Variants in CHORDC1 observed in about 807,000 individuals in gnomAD.
The protein encoded by CHORDC1 is cysteine and histidine-rich domain-containing protein 1.
Under a neutral mutation model 48.3 loss-of-function variants are expected in CHORDC1, and 25 were observed. That is an observed-to-expected ratio of 0.52 (90% CI 0.38 to 0.72). The LOEUF is 0.72. Among genes scored for constraint, CHORDC1 ranks in the 30% least tolerant of loss-of-function variants. The pLI, the probability that CHORDC1 is intolerant of heterozygous loss-of-function variation, is 0.00. For missense variants in CHORDC1, 317 were observed against 388.7 expected, an observed-to-expected ratio of 0.82 and a Z score of 1.55; for synonymous variants, 128 against 126.4, an observed-to-expected ratio of 1.01 and a Z score of -0.09.
Position 90,205,463 on chromosome 11 carries a change from A to G in CHORDC1, c.666T>C (p.Asp222=), listed in dbSNP as rs752738915. 3 of 1,571,686 alleles carry G rather than the reference A, an allele frequency of 1.9e-6. No homozygotes were observed. Among genetic ancestry groups the G allele is most frequent in the Non-Finnish European group, 2.6e-6 (3 of 1,147,890 alleles). The change falls in exon 8 of 11, where the codon GAT becomes GAC. Residue 222 remains aspartate (D), a synonymous_variant. Coordinates refer to ENST00000320585, the MANE Select transcript of CHORDC1 (RefSeq NM_012124.3). ...TKGKHMWTKK[D]AGKKVVPCRH... ...TATTTTTGGAAGAGTTACTTACAGC[A>G]TCTTTTTTAGTCCACATGTGTTTCC...
chr11:90,206,961 T>A (rs7102488), intron 6 of CHORDC1: 11 of 351,050 alleles, frequency 3.1e-5, no homozygotes, highest in African/African-American at 2.4e-4. Context: ...ATTAGATGTG[T>A]ATTTCTCCTT....
chr11:90,213,745 A>C (rs918891615), intron 4 of CHORDC1: 1 of 449,436 alleles, frequency 2.2e-6, no homozygotes, highest in African/African-American at 2.0e-5. Context: ...CTAAGGCACA[A>C]GAAAAATGTG....
intron 2 of CHORDC1, 147 bp downstream of exon 2, chr11:90,217,986 AGT>A (rs1858060903): frequency 6.3e-6 from 3 of 476,906 alleles, no homozygotes; most frequent in South Asian, 9.4e-5. Context: ...CTTTGTCTTT[AGT>A]GGAGTATACG....
At chr11:90,205,823 G>A (rs759798241) in intron 7 of CHORDC1, 61 of 462,364 alleles carry the variant, frequency 1.3e-4, no homozygotes, top group Non-Finnish European at 2.2e-4. Flanking sequence ...TGCAGGATGC[G>A]GAAAAGTATG....
In CHORDC1 at chr11:90,203,745, C is replaced by T. The variant is rs1030847005; in HGVS notation, c.670-318G>A. 3.3e-5 allele frequency among the ~76,000 whole-genome samples: 5 copies of T among 152,148 alleles called. No individual in the cohort carries two copies. In the South Asian group the frequency reaches 8.3e-4, roughly 25 times the overall value. Reference sequence around the variant, plus strand: ...ACTAAATTTAATCCAATTTAACATTCTGTAACCTACTAAGTACTGTCATCA... The same window carrying T: ...ACTAAATTTAATCCAATTTAACATTTTGTAACCTACTAAGTACTGTCATCA... On this transcript the variant is annotated intron_variant, in intron 8 of 10. Coordinates refer to ENST00000320585, the MANE Select transcript of CHORDC1 (RefSeq NM_012124.3).
At chr11:90,204,219 CAA>C (rs1283918727) in intron 8 of CHORDC1, among the ~76,000 whole-genome samples, 8 of 152,064 alleles carry the variant, frequency 5.3e-5, no homozygotes, top group African/African-American at 1.9e-4. Context: ...CATTAAAAAA[CAA>C]GAGAAATTAC....
intron 1 of CHORDC1, among the ~76,000 whole-genome samples, chr11:90,219,850 A>G (rs888322383): frequency 7.9e-5 from 12 of 152,302 alleles, no homozygotes; most frequent in East Asian, 3.9e-4. Context: ...ATGGAGTACT[A>G]TATTTTTAAA....
intron 1 of CHORDC1, among the ~76,000 whole-genome samples, chr11:90,219,762 C>G (rs1456569840): frequency 6.6e-6 from 1 of 152,146 alleles, no homozygotes; most frequent in African/African-American, 2.4e-5. Context: ...CTATATATTT[C>G]TGTGTGTGTG....
intron 8 of CHORDC1, 21 bp from the exon 9 acceptor site, chr11:90,203,448 TG>T: frequency 6.6e-7 from 1 of 1,507,686 alleles, no homozygotes; most frequent in East Asian, 2.3e-5. Flanking sequence ...AGAGAAACTC[TG>T]TAAGTTAAAA....
chr11:90,212,802 A>AT (rs5793442), intron 4 of CHORDC1: 19,071 of 151,246 alleles, frequency 0.13, 1,288 homozygotes, highest in South Asian at 0.18. Context: ...CAGCTAATTT[A>AT]TTTTTTTTGG....
chr11:90,200,871 C>CT lies in CHORDC1; in HGVS notation c.*1533dup, dbSNP rs1438731023. On this transcript the variant is annotated 3_prime_UTR_variant, in exon 11 of 11. Coordinates refer to ENST00000320585, the MANE Select transcript of CHORDC1 (RefSeq NM_012124.3). ...CCCAACCCATAAAGACTTCATGTCT[C>CT]TAAATGGTTCCTAAATCATGGAAGA... Among the ~76,000 whole-genome samples, 3 of 151,934 alleles carry CT rather than the reference C, an allele frequency of 2.0e-5. No homozygotes were observed. The highest frequency in any genetic ancestry group is 7.2e-5 in the African/African-American group (3 of 41,438).
At chr11:90,220,507 G>C (rs1858139447) in intron 1 of CHORDC1, among the ~76,000 whole-genome samples, 1 of 152,130 alleles carries the variant, frequency 6.6e-6, no homozygotes, top group African/African-American at 2.4e-5. Flanking sequence ...ATTTAAAGTA[G>C]TCAGAAACAT....
chr11:90,222,703 A>T, intron 1 of CHORDC1, 188 bp downstream of exon 1: 1 of 709,862 alleles, frequency 1.4e-6, no homozygotes, highest in South Asian at 1.5e-5. Flanking sequence ...GGCGCTCGCC[A>T]AGGGAACGCG....
chr11:90,206,263 C>T lies in CHORDC1; in HGVS notation c.502G>A (p.Gly168Ser). The T allele has an allele frequency of 6.5e-7, 1 of 1,546,562 alleles. No individual in the cohort carries two copies. The highest frequency in any genetic ancestry group is 8.9e-7 in the Non-Finnish European group (1 of 1,119,770). ...CAGACTTCTTCTAGACTCTCTAGAC[C>T]CTGGTATGTCTAAAAAGGAAACAAA... ...KNGGCSKTYQ[G>S]LESLEEVCVY... The change falls in exon 7 of 11, where the codon GGT (glycine) becomes AGT (serine). Residue 168 changes from glycine to serine, a missense_variant. Gly to Ser is a moderately conservative substitution (Grantham distance 56, BLOSUM62 0). Transcript: ENST00000320585.
intron 4 of CHORDC1, 179 bp from the exon 5 acceptor site, chr11:90,211,497 T>C: frequency 2.0e-6 from 1 of 495,348 alleles, no homozygotes; most frequent in Non-Finnish European, 3.6e-6. Flanking sequence ...CATTCTGTCT[T>C]AACAGAAAAG....
chr11:90,212,742 C>T (rs1295806895), intron 4 of CHORDC1: 1 of 152,008 alleles, frequency 6.6e-6, no homozygotes, highest in African/African-American at 2.4e-5. Context: ...TCTCAAGATC[C>T]TCCTGCCTCA....
chr11:90,208,843 C>A (rs1052671791), intron 6 of CHORDC1: 1 of 152,096 alleles, frequency 6.6e-6, no homozygotes, highest in Non-Finnish European at 1.5e-5. Context: ...CTAAAAAATT[C>A]TTCAATTTCA....
rs1446083209 is a variant in CHORDC1 at position 90,200,483 on chromosome 11, T to C, written c.*1922A>G. The stretch of plus-strand genomic sequence containing the variant: ...TTTATTAACTTTTTTGACAAACCGA[T>C]AGTAAAACATATGCTACCTAACGAT... On this transcript the variant is annotated 3_prime_UTR_variant, in exon 11 of 11. Transcript: ENST00000320585. Among the ~76,000 whole-genome samples the C allele has an allele frequency of 7.9e-5, 12 of 151,924 alleles. No homozygotes were observed. Among genetic ancestry groups the C allele is most frequent in the Admixed American group, 6.6e-4 (10 of 15,236 alleles).
In CHORDC1 at chr11:90,202,494, T is replaced by C. The variant is rs758956499; in HGVS notation, c.910A>G (p.Met304Val). The C allele has an allele frequency of 6.8e-6, 11 of 1,613,028 alleles. No individual in the cohort carries two copies. Among genetic ancestry groups the C allele is most frequent in the South Asian group, 1.1e-5 (1 of 91,034 alleles). ...TMTATKIEIT[M>V]RKAEPMQWAS... ...CACTGCATCGGTTCAGCTTTTCTCA[T>C]AGTGATTTCAATCTTTGTTGCAGTC... is the stretch of plus-strand genomic sequence containing the variant. The change falls in exon 11 of 11, where the codon ATG becomes GTG. Residue 304 changes from methionine to valine, a missense_variant. Transcript: ENST00000320585.
Sources: gnomAD v4.1 joint callset for allele counts (sites outside exome capture counted in the v4.1 genomes callset) on GRCh38, gnomAD v4.1.1 for gene constraint, MANE v1.5 for transcripts, NCBI Gene and HGNC (gene_info 2026-07-23, HGNC 2026-07-21) for gene names.